Variants in AGTPBP1 observed in about 807,000 individuals in gnomAD.
The protein encoded by AGTPBP1 is ATP/GTP binding carboxypeptidase 1.
AGTPBP1 carries 70 observed loss-of-function variants against 143.9 expected under a neutral mutation model. The ratio of observed to expected loss-of-function variants is 0.49; its 90% CI spans 0.40 to 0.59. AGTPBP1 has a LOEUF of 0.59. Among genes scored for constraint, AGTPBP1 ranks in the 20% least tolerant of loss-of-function variants. AGTPBP1 has a pLI of 0.00. For missense variants in AGTPBP1, 1,229 were observed against 1,464.5 expected, an observed-to-expected ratio of 0.84 and a Z score of 2.62; for synonymous variants, 463 against 500.2, an observed-to-expected ratio of 0.93 and a Z score of 0.99.
chr9:85,759,185 C>A, the AGTPBP1 span, among the ~76,000 whole-genome samples: 2 of 152,090 alleles, frequency 1.3e-5, no homozygotes, highest in Admixed American at 1.3e-4. Flanking sequence ...GACTTTAACA[C>A]CCCACTGTCA....
At chr9:85,605,436 G>A (rs1285569471) in intron 17 of AGTPBP1, among the ~76,000 whole-genome samples, 2 of 151,704 alleles carry the variant, frequency 1.3e-5, no homozygotes, top group Admixed American at 1.3e-4. Flanking sequence ...GACTTCCCCA[G>A]ACAAAAAAAA....
intron 18 of AGTPBP1, among the ~76,000 whole-genome samples, chr9:85,592,999 T>C (rs770825383): frequency 3.5e-4 from 53 of 152,158 alleles, no homozygotes; most frequent in Non-Finnish European, 6.0e-4. Context: ...TTACTGAATC[T>C]AGAAAATGAT....
chr9:85,612,882 G>T (rs1453883373), intron 17 of AGTPBP1, among the ~76,000 whole-genome samples: 1 of 146,930 alleles, frequency 6.8e-6, no homozygotes, highest in Admixed American at 6.8e-5. Flanking sequence ...AGAAAAACAG[G>T]TTTTTTTTTT....
chr9:85,590,834 C>A (rs1828913655), intron 19 of AGTPBP1, among the ~76,000 whole-genome samples: 1 of 152,128 alleles, frequency 6.6e-6, no homozygotes, highest in Non-Finnish European at 1.5e-5. Context: ...CAGTAAGATT[C>A]ATTACAGCTA....
At chr9:85,676,451 G>A (rs1404209479) in intron 6 of AGTPBP1, among the ~76,000 whole-genome samples, 2 of 151,738 alleles carry the variant, frequency 1.3e-5, no homozygotes, top group Admixed American at 6.6e-5. Context: ...AGATAAAAAC[G>A]CTCAACATTA....
the AGTPBP1 span, chr9:85,793,447 T>C: frequency 1.3e-5 from 2 of 152,138 alleles, no homozygotes; most frequent in Non-Finnish European, 2.9e-5. Context: ...TCATAAACAT[T>C]CAGAGGGAAG....
chr9:85,578,916 T>C lies in AGTPBP1; in HGVS notation c.3342+4A>G. ...TCATGGTTAGAAAACCTAAGATGTTTTACCTTGTATTTTCCCTGATCACAG... is the reference window on the plus strand; with the variant it reads ...TCATGGTTAGAAAACCTAAGATGTTCTACCTTGTATTTTCCCTGATCACAG... On this transcript the variant is annotated splice_donor_region_variant and intron_variant, in intron 24 of 25. Coordinates refer to ENST00000357081, the MANE Select transcript of AGTPBP1 (RefSeq NM_001330701.2). 1 of 1,611,830 alleles carries C rather than the reference T, an allele frequency of 6.2e-7. No individual in the cohort carries two copies. The highest frequency in any genetic ancestry group is 8.5e-7 in the Non-Finnish European group (1 of 1,179,184).
At chr9:85,715,535 C>A (rs1016964299) in intron 1 of AGTPBP1, among the ~76,000 whole-genome samples, 2 of 152,150 alleles carry the variant, frequency 1.3e-5, no homozygotes, top group African/African-American at 4.8e-5. Context: ...ACATGCTCAG[C>A]AGTATCAAGC....
intron 25 of AGTPBP1, among the ~76,000 whole-genome samples, chr9:85,556,430 CAT>C (rs1826346889): frequency 6.6e-6 from 1 of 151,818 alleles, no homozygotes; most frequent in African/African-American, 2.4e-5. Context: ...GAGAAAAAAA[CAT>C]AAAACAAGTG....
the AGTPBP1 span, among the ~76,000 whole-genome samples, chr9:85,775,569 T>C: frequency 1.4e-5 from 2 of 146,554 alleles, no homozygotes; most frequent in African/African-American, 5.0e-5. Context: ...ATAAAATATA[T>C]AGGATTTATA....
At chr9:85,746,631 A>C (rs1257683060), upstream of AGTPBP1, among the ~76,000 whole-genome samples, 2 of 152,092 alleles carry the variant, frequency 1.3e-5, no homozygotes, top group African/African-American at 2.4e-5. Context: ...TCTGCCTCTA[A>C]CAAAAAGAAA....
the AGTPBP1 span, among the ~76,000 whole-genome samples, chr9:85,785,100 A>C: frequency 6.6e-6 from 1 of 152,176 alleles, no homozygotes; most frequent in African/African-American, 2.4e-5. Flanking sequence ...TGGGAGGCCA[A>C]GGCAGGCGGA....
the AGTPBP1 span, among the ~76,000 whole-genome samples, chr9:85,793,203 C>G: frequency 6.6e-6 from 1 of 152,064 alleles, no homozygotes; most frequent in South Asian, 2.1e-4. Flanking sequence ...TTTTTAGTAA[C>G]AGTTACGTTT....
At chr9:85,669,964 C>T (rs1258099939) in intron 7 of AGTPBP1, among the ~76,000 whole-genome samples, 3 of 152,104 alleles carry the variant, frequency 2.0e-5, no homozygotes, top group African/African-American at 7.2e-5. Context: ...AAACAATAAA[C>T]AAATAATTAC....
the AGTPBP1 span, among the ~76,000 whole-genome samples, chr9:85,769,204 A>T: frequency 6.6e-6 from 1 of 152,134 alleles, no homozygotes; most frequent in Non-Finnish European, 1.5e-5. Flanking sequence ...AGTTCAAACT[A>T]TGTGATAGGT....
intron 14 of AGTPBP1, among the ~76,000 whole-genome samples, chr9:85,628,479 G>C (rs75335584): frequency 1.3e-5 from 2 of 152,302 alleles, no homozygotes; most frequent in Non-Finnish European, 2.9e-5. Context: ...AAAGGTTTTA[G>C]ATTGCTTCAG....
intron 2 of AGTPBP1, among the ~76,000 whole-genome samples, chr9:85,711,410 A>G (rs933390998): frequency 3.3e-5 from 5 of 152,034 alleles, no homozygotes; most frequent in African/African-American, 1.2e-4. Flanking sequence ...GCTTTAACTC[A>G]GCAATCAGTT....
At chr9:85,712,423 G>C (rs1837437942) in intron 2 of AGTPBP1, 79 bp downstream of exon 2, 1 of 664,616 alleles carries the variant, frequency 1.5e-6, no homozygotes, top group African/African-American at 1.9e-5. Context: ...ATAATACTTT[G>C]TCAAGTATTG....
chr9:85,658,596 A>G (rs1833674201), intron 9 of AGTPBP1, among the ~76,000 whole-genome samples: 1 of 152,108 alleles, frequency 6.6e-6, no homozygotes, highest in Non-Finnish European at 1.5e-5. Flanking sequence ...AATCTCAAAT[A>G]CACCTATAAA....
Sources: allele counts gnomAD v4.1 joint callset (sites outside exome capture counted in the v4.1 genomes callset), GRCh38; gene constraint gnomAD v4.1.1; transcripts MANE v1.5; gene names NCBI Gene and HGNC (gene_info 2026-07-23, HGNC 2026-07-21).